Variants in KDM5A observed in about 807,000 individuals in gnomAD.
KDM5A encodes the protein lysine demethylase 5A.
A neutral mutation model predicts 193.5 loss-of-function variants in KDM5A; 42 were observed. The ratio of observed to expected loss-of-function variants is 0.22; its 90% CI spans 0.17 to 0.28. The LOEUF (loss-of-function observed/expected upper bound fraction) is 0.28, where lower values mean the gene tolerates loss of function less well. Ranked by LOEUF, KDM5A falls within the 10% of genes least tolerant of loss-of-function variation. The pLI is 1.00. For synonymous variants in KDM5A, 796 were observed against 718.1 expected (o/e 1.11, Z -1.73); for missense variants, 1,692 against 2,055.1 (o/e 0.82, Z 3.42).
Position 310,952 on chromosome 12 carries a change from G to C in KDM5A, c.3149C>G (p.Ala1050Gly), listed in dbSNP as rs1486759605. The C allele has an allele frequency of 1.1e-5, 18 of 1,614,066 alleles. No homozygotes were observed. The highest frequency in any genetic ancestry group is 1.5e-5 in the Non-Finnish European group (18 of 1,180,048). ...LPQVESQVAA[A>G]RAWRERTGRT... ...CCCAGTCCGTTCTCTCCATGCCCGT[G>C]CTGCTGCTACCTGTGATTCCACTTG... The change falls in exon 21 of 28, where the codon GCA becomes GGA. Residue 1050 changes from alanine (A) to glycine (G), a missense_variant. Transcript: ENST00000399788.
intron 3 of KDM5A, among the ~76,000 whole-genome samples, chr12:375,940 A>G (rs1032280991): frequency 1.3e-5 from 2 of 152,202 alleles, no homozygotes; most frequent in Non-Finnish European, 2.9e-5. Context: ...TTCCTCTGGA[A>G]GCTTTGTCTC....
At position 283,820 on chromosome 12, in the gene KDM5A, T is replaced by C. The variant is rs1371618403; in HGVS notation, c.*1636A>G. On this transcript the variant is annotated 3_prime_UTR_variant, in exon 28 of 28. Transcript: ENST00000399788. ...ACACTATTTTTAGTCATTTTTTTTT[T>C]TGTCCTTTAAAAAAAAATTAGTCCC... is the stretch of plus-strand genomic sequence containing the variant. 8.6e-6 allele frequency: 2 copies of C among 232,788 alleles called. No homozygotes were observed. Among genetic ancestry groups the C allele is most frequent in the Non-Finnish European group, 1.7e-5 (2 of 117,812 alleles). The allele number at this position is 232,788 out of a possible 1,614,324, so 14.4% of individuals were successfully genotyped here. A position where few individuals can be genotyped will look rare whatever the true frequency, so the allele number is the denominator to read the frequency against.
chr12:338,024 T>TC (rs1223537633), intron 10 of KDM5A, among the ~76,000 whole-genome samples: 2 of 152,116 alleles, frequency 1.3e-5, no homozygotes, highest in Non-Finnish European at 2.9e-5. Flanking sequence ...CACTGACCCA[T>TC]CAATCTTTAA....
Position 297,078 on chromosome 12 carries a change from C to A in KDM5A, c.4197G>T (p.Glu1399Asp). 3.7e-6 allele frequency: 6 copies of A among 1,614,012 alleles called. No homozygotes were observed. Among genetic ancestry groups the A allele is most frequent in the Non-Finnish European group, 5.1e-6 (6 of 1,179,996 alleles). ...TCTTAGAAGCAGAAGAATAAGCATGCTCTGCACAAAATGAAGGTGCTGTCC... is the reference window on the plus strand; with the variant it reads ...TCTTAGAAGCAGAAGAATAAGCATGATCTGCACAAAATGAAGGTGCTGTCC... ...HMWTAPSFCAEHAYSSASKSC... is the reference protein window; with the variant it reads ...HMWTAPSFCADHAYSSASKSC... Residue 1399 changes from glutamate (E) to aspartate (D), a missense_variant, in exon 25 of 28, where the codon GAG becomes GAT. Coordinates refer to ENST00000399788, the MANE Select transcript of KDM5A (RefSeq NM_001042603.3).
chr12:311,035 C>T lies in KDM5A; in HGVS notation c.3066G>A (p.Gln1022=). Residue 1022 remains glutamine (Q), a synonymous_variant, in exon 21 of 28, where the codon CAG becomes CAA. Coordinates refer to ENST00000399788, the MANE Select transcript of KDM5A (RefSeq NM_001042603.3). Reference sequence around the variant, plus strand: ...GTCCTTTCGCAGACAAGCTCTCAAGCTGCTCCAAATAAGCGTAATTGCTGC... The same window carrying T: ...GTCCTTTCGCAGACAAGCTCTCAAGTTGCTCCAAATAAGCGTAATTGCTGC... ...QSGSNYAYLE[Q]LESLSAKGRP... The T allele has an allele frequency of 6.2e-7, 1 of 1,614,180 alleles. No individual in the cohort carries two copies. The highest frequency in any genetic ancestry group is 8.5e-7 in the Non-Finnish European group (1 of 1,180,028).
intron 24 of KDM5A, among the ~76,000 whole-genome samples, chr12:303,567 T>C (rs959691943): frequency 3.3e-5 from 5 of 152,042 alleles, no homozygotes; most frequent in East Asian, 3.9e-4. Flanking sequence ...ATGTGGTTGA[T>C]GGGTGCAGCA....
intron 19 of KDM5A, among the ~76,000 whole-genome samples, chr12:317,816 G>C (rs1356879828): frequency 1.3e-5 from 2 of 152,152 alleles, no homozygotes; most frequent in Admixed American, 1.3e-4. Context: ...AAACTCTCCA[G>C]CTTGTCTGTA....
rs531508069 is a variant in KDM5A at position 385,547 on chromosome 12, G to C, written c.243+350C>G. 1.4e-3 allele frequency among the ~76,000 whole-genome samples: 220 copies of C among 152,046 alleles called. 1 individual carries two copies. Among genetic ancestry groups the C allele is most frequent in the Non-Finnish European group, 2.0e-3 (135 of 67,988 alleles). ...AACAAAACAAACTCTGAAAACTAGG[G>C]TTTTAAAATAGGATTTAAAAATCCA... On this transcript the variant is annotated intron_variant, in intron 2 of 27. Transcript: ENST00000399788.
chr12:288,924 C>CGT (rs144856591), intron 27 of KDM5A, among the ~76,000 whole-genome samples: 8 of 152,160 alleles, frequency 5.3e-5, no homozygotes, highest in South Asian at 2.1e-4. Flanking sequence ...CGCGTGCACG[C>CGT]GTGTGTGTGT....
chr12:350,423 T>C (rs1208135870), intron 10 of KDM5A, among the ~76,000 whole-genome samples, 198 bp downstream of exon 10: 2 of 119,884 alleles, frequency 1.7e-5, no homozygotes, highest in East Asian at 5.5e-4. Context: ...GTGAGATTCC[T>C]TCTCAAAAAA....
chr12:301,976 G>A (rs1401262546), intron 24 of KDM5A, among the ~76,000 whole-genome samples: 1 of 152,098 alleles, frequency 6.6e-6, no homozygotes, highest in Non-Finnish European at 1.5e-5. Context: ...GGATGTGAAG[G>A]ACCTCTTCAA....
chr12:293,212 T>G, intron 26 of KDM5A, 43 bp from the exon 27 acceptor site: 1 of 1,541,398 alleles, frequency 6.5e-7, no homozygotes, highest in Non-Finnish European at 8.9e-7. Context: ...AGCAAGACAG[T>G]TAAAAAACAG....
intron 27 of KDM5A, among the ~76,000 whole-genome samples, chr12:289,981 C>A (rs1470295327): frequency 1.4e-5 from 2 of 147,308 alleles, no homozygotes; most frequent in African/African-American, 5.0e-5. Flanking sequence ...CCTGTGTAGC[C>A]CAGACTGAAG....
Position 323,210 on chromosome 12 carries a change from C to CAAAAAAAAAAAAAAA in KDM5A, c.2151-19_2151-5dup, listed in dbSNP as rs60377454. 2.9e-3 allele frequency: 849 copies of CAAAAAAAAAAAAAAA among 297,078 alleles called. 5 individuals carry two copies. Among genetic ancestry groups the CAAAAAAAAAAAAAAA allele is most frequent in the Admixed American group, 4.4e-3 (35 of 7,928 alleles). The allele number at this position is 297,078 out of a possible 1,614,324, so 18.4% of individuals were successfully genotyped here. A position where few individuals can be genotyped will look rare whatever the true frequency, so the allele number is the denominator to read the frequency against. On this transcript the variant is annotated splice_region_variant and splice_polypyrimidine_tract_variant and intron_variant, in intron 15 of 27. Transcript: ENST00000399788. ...GTCTTCTAATGGGTAGCGATATCTA[C>CAAAAAAAAAAAAAAA]AAAAAAAAAAAAAAAAAAAAAAAAA...
intron 17 of KDM5A, 70 bp downstream of exon 17, chr12:322,347 G>T: frequency 6.9e-7 from 1 of 1,454,056 alleles, no homozygotes; most frequent in Non-Finnish European, 9.5e-7. Flanking sequence ...TCACAGGCCG[G>T]ATAAAATTTT....
chr12:325,035 G>A (rs1490998411), intron 14 of KDM5A, among the ~76,000 whole-genome samples: 1 of 152,116 alleles, frequency 6.6e-6, no homozygotes, highest in Non-Finnish European at 1.5e-5. Flanking sequence ...AACAAGGTGG[G>A]AACCTGATAA....
At chr12:344,326 A>C (rs921532431) in intron 10 of KDM5A, among the ~76,000 whole-genome samples, 16 of 152,244 alleles carry the variant, frequency 1.1e-4, no homozygotes, top group African/African-American at 3.9e-4. Flanking sequence ...GATGAAACCC[A>C]GTTGGAAAAC....
chr12:345,670 G>A (rs941367111), intron 10 of KDM5A, among the ~76,000 whole-genome samples: 1 of 152,060 alleles, frequency 6.6e-6, no homozygotes, highest in African/African-American at 2.4e-5. Context: ...ATGACTACTG[G>A]GTAAATAACG....
intron 4 of KDM5A, among the ~76,000 whole-genome samples, chr12:363,799 A>T (rs7298995): frequency 1.3e-5 from 2 of 151,612 alleles, no homozygotes; most frequent in Non-Finnish European, 3.0e-5. Context: ...AAAAGTGACC[A>T]GTACAAAAAT....
Sources: allele counts gnomAD v4.1 joint callset (sites outside exome capture counted in the v4.1 genomes callset), GRCh38; gene constraint gnomAD v4.1.1; transcripts MANE v1.5; gene names NCBI Gene and HGNC (gene_info 2026-07-23, HGNC 2026-07-21).